ARRDC4: variants seen among roughly 807,000 people sequenced by gnomAD.
The protein encoded by ARRDC4 is arrestin domain containing 4, also known as arrestin domain-containing protein 4.
ARRDC4 carries 40 observed loss-of-function variants against 44.6 expected under a neutral mutation model. The ratio of observed to expected loss-of-function variants is 0.90; its 90% confidence interval spans 0.70 to 1.17. The LOEUF is 1.17. Ranked by LOEUF, ARRDC4 falls within the 50% of genes most tolerant of loss-of-function variation. The pLI, the probability that ARRDC4 is intolerant of heterozygous loss-of-function variation, is 0.00. For missense variants in ARRDC4, 550 were observed against 559.1 expected (o/e 0.98, Z 0.16); for synonymous variants, 211 against 221.2 (o/e 0.95, Z 0.41).
At position 97,970,639 on chromosome 15, in the gene ARRDC4, A is replaced by G; in HGVS notation, c.1096A>G (p.Ile366Val). 1 of 1,613,460 alleles carries G rather than the reference A, an allele frequency of 6.2e-7. No individual in the cohort carries two copies. The highest frequency in any genetic ancestry group is 2.2e-5 in the East Asian group (1 of 44,866). The change falls in exon 7 of 8, where the codon ATT becomes GTT. Residue 366 changes from isoleucine (I) to valine (V), a missense_variant. Physicochemically the swap from Ile to Val is conservative, Grantham distance 29. Transcript: ENST00000268042. The surrounding 1 kb of genome is among the most constrained non-coding windows in gnomAD (Gnocchi z 4.2). ...VVSEEEFSRHIPPYPQPPNCE... is the reference protein window; with the variant it reads ...VVSEEEFSRHVPPYPQPPNCE... The stretch of plus-strand genomic sequence containing the variant: ...ATCAGAGGAAGAATTCTCTAGACAC[A>G]TTCCTCCTTACCCTCAACCCCCTAA...
chr15:97,973,751 A>G lies in ARRDC4; in HGVS notation c.*2564A>G, dbSNP rs896793557. ...TATTTTTATTATTAAAAATGTAACA[A>G]TTTAACCCACAGGAAAAAAAATTAC... On this transcript the variant is annotated 3_prime_UTR_variant, in exon 8 of 8. Transcript: ENST00000268042. 6 of 151,894 alleles carry G rather than the reference A, an allele frequency of 4.0e-5. No homozygotes were observed. The highest frequency in any genetic ancestry group is 2.0e-4 in the East Asian group (1 of 5,056). 9.4% of individuals were successfully genotyped at this position (151,894 alleles called of 1,614,324 possible).
At position 97,968,091 on chromosome 15, in the gene ARRDC4, A is replaced by G; in HGVS notation, c.600A>G (p.Lys200=). The G allele has an allele frequency of 6.2e-7, 1 of 1,603,006 alleles. No homozygotes were observed. The highest frequency in any genetic ancestry group is 8.5e-7 in the Non-Finnish European group (1 of 1,174,768). The change falls in exon 4 of 8, where the codon AAA becomes AAG. Residue 200 remains lysine (K), a synonymous_variant. Coordinates refer to ENST00000268042, the MANE Select transcript of ARRDC4 (RefSeq NM_183376.3). The surrounding 1 kb of genome is among the most constrained non-coding windows in gnomAD (Gnocchi z 5.4). ...CTGGTCCAGTCTCGCTGAGTGCCAA[A>G]ATTGAAAGAAAGGGATACTGTAATG... ...FTSGPVSLSA[K]IERKGYCNGE...
intron 1 of ARRDC4, among the ~76,000 whole-genome samples, chr15:97,962,035 C>G (rs1196752914): frequency 1.3e-5 from 2 of 152,184 alleles, no homozygotes; most frequent in Non-Finnish European, 2.9e-5. Flanking sequence ...AACCATGAGT[C>G]TTACTCATTT....
chr15:97,963,458 G>A (rs1899359912), intron 1 of ARRDC4, among the ~76,000 whole-genome samples: 1 of 152,182 alleles, frequency 6.6e-6, no homozygotes, highest in Admixed American at 6.5e-5. Flanking sequence ...TAGATCCGAT[G>A]TCGATTTGTT....
chr15:97,965,246 T>C lies in ARRDC4; in HGVS notation c.308-354T>C, dbSNP rs77815884. 0.034 allele frequency among the ~76,000 whole-genome samples: 5,246 copies of C among 152,118 alleles called. 151 individuals carry two copies. Among genetic ancestry groups the C allele is most frequent in the African/African-American group, 0.08 (3,298 of 41,452 alleles). ...AGGAGTTCGAGACCAGCTTGGGCAA[T>C]ATAGCAAGACCCTCGTCTCTGGAAA... is the stretch of plus-strand genomic sequence containing the variant. On this transcript the variant is annotated intron_variant, in intron 1 of 7. Transcript: ENST00000268042. The surrounding 1 kb of genome is among the most constrained non-coding windows in gnomAD (Gnocchi z 5.1).
intron 1 of ARRDC4, among the ~76,000 whole-genome samples, chr15:97,961,523 C>T (rs1596304248): frequency 6.6e-6 from 1 of 152,336 alleles, no homozygotes; most frequent in East Asian, 1.9e-4. Context: ...GTGGAACCGG[C>T]GGCTATGAGG....
At position 97,967,183 on chromosome 15, in the gene ARRDC4, T is replaced by G. The variant is rs1461086229; in HGVS notation, c.523-831T>G. Among the ~76,000 whole-genome samples, 1 of 152,190 alleles carries G rather than the reference T, an allele frequency of 6.6e-6. No individual in the cohort carries two copies. Among genetic ancestry groups the G allele is most frequent in the East Asian group, 1.9e-4 (1 of 5,202 alleles). ...TGTATTTTTAAAAACTACTTAGAAT[T>G]GGGAGGCTGAATATTTTTAAAGTTT... is the stretch of plus-strand genomic sequence containing the variant. On this transcript the variant is annotated intron_variant, in intron 3 of 7. Transcript: ENST00000268042. This position sits in a 1 kb window ranked among gnomAD's most constrained non-coding sequence, Gnocchi z 5.0.
chr15:97,971,649 A>T lies in ARRDC4; in HGVS notation c.*462A>T, dbSNP rs1899517378. 1 of 166,018 alleles carries T rather than the reference A, an allele frequency of 6.0e-6. No individual in the cohort carries two copies. Among genetic ancestry groups the T allele is most frequent in the African/African-American group, 2.4e-5 (1 of 41,668 alleles). The allele number at this position is 166,018 out of a possible 1,614,324, so 10.3% of individuals were successfully genotyped here. A position where few individuals can be genotyped will look rare whatever the true frequency, so the allele number is the denominator to read the frequency against. ...GGAGAATGGCCCACTCCAAATACGA[A>T]GTGAGATCCTGAGTCTTTGGGTGCT... On this transcript the variant is annotated 3_prime_UTR_variant, in exon 8 of 8. Transcript: ENST00000268042.
intron 1 of ARRDC4, 141 bp downstream of exon 1, chr15:97,961,309 C>A: frequency 1.3e-6 from 1 of 789,248 alleles, no homozygotes; most frequent in Non-Finnish European, 1.7e-6. Context: ...CCTACCCTCG[C>A]GGGTAAGGAG....
rs16977774 is a variant in ARRDC4 at position 97,973,562 on chromosome 15, C to A, written c.*2375C>A. 14,051 of 152,550 alleles carry A rather than the reference C, an allele frequency of 0.092. 821 individuals carry two copies. The highest frequency in any genetic ancestry group is 0.15 in the African/African-American group (6,418 of 41,498). 9.4% of individuals were successfully genotyped at this position (152,550 alleles called of 1,614,324 possible). ...CTTCTTTAGTTTGAAAAAACAAAAACGTGGCCTTGGAATTTTCATTTTGAT... is the reference window on the plus strand; with the variant it reads ...CTTCTTTAGTTTGAAAAAACAAAAAAGTGGCCTTGGAATTTTCATTTTGAT... On this transcript the variant is annotated 3_prime_UTR_variant, in exon 8 of 8. Transcript: ENST00000268042.
intron 5 of ARRDC4, among the ~76,000 whole-genome samples, 191 bp downstream of exon 5, chr15:97,969,570 A>G (rs1284070610): frequency 2.0e-5 from 3 of 152,208 alleles, no homozygotes; most frequent in African/African-American, 7.2e-5. Context: ...ATAGAATGCC[A>G]TAAAAGAATT....
rs908293787 is a variant in ARRDC4 at position 97,960,828 on chromosome 15, C to G, written c.-34C>G. On this transcript the variant is annotated 5_prime_UTR_variant, in exon 1 of 8. Coordinates refer to ENST00000268042, the MANE Select transcript of ARRDC4 (RefSeq NM_183376.3). The stretch of plus-strand genomic sequence containing the variant: ...CGCGACCCCGGCTCCGGGCCTCTGC[C>G]GACCTCAGGGGCAGGAAAGAGTCGC... 7.0e-6 allele frequency: 9 copies of G among 1,278,268 alleles called. No individual in the cohort carries two copies. Among genetic ancestry groups the G allele is most frequent in the Non-Finnish European group, 8.9e-6 (9 of 1,013,344 alleles). The allele number at this position is 1,278,268 out of a possible 1,614,324, so 79.2% of individuals were successfully genotyped here. A position where few individuals can be genotyped will look rare whatever the true frequency, so the allele number is the denominator to read the frequency against.
chr15:97,971,868 G>A lies in ARRDC4; in HGVS notation c.*681G>A, dbSNP rs1016416800. On this transcript the variant is annotated 3_prime_UTR_variant, in exon 8 of 8. Transcript: ENST00000268042. ...TTCTTGAAAAGCTTGTCGGTTCAAAGAGGAAAGATGAATTTCAATGTGAAA... is the reference window on the plus strand; with the variant it reads ...TTCTTGAAAAGCTTGTCGGTTCAAAAAGGAAAGATGAATTTCAATGTGAAA... The A allele has an allele frequency of 3.3e-5, 5 of 152,230 alleles. No individual in the cohort carries two copies. Among genetic ancestry groups the A allele is most frequent in the Non-Finnish European group, 7.3e-5 (5 of 68,046 alleles). The allele number at this position is 152,230 out of a possible 1,614,324, so 9.4% of individuals were successfully genotyped here.
intron 1 of ARRDC4, among the ~76,000 whole-genome samples, chr15:97,962,870 C>T (rs1253873002): frequency 3.9e-5 from 6 of 152,174 alleles, no homozygotes; most frequent in African/African-American, 1.4e-4. Context: ...GTGTTTCAAT[C>T]ACCTAAGGAG....
intron 1 of ARRDC4, 138 bp downstream of exon 1, chr15:97,961,306 T>A: frequency 1.3e-6 from 1 of 798,668 alleles, no homozygotes; most frequent in Non-Finnish European, 1.7e-6. Context: ...CGGCCTACCC[T>A]CGCGGGTAAG....
At chr15:97,962,546 G>A (rs2141532022) in intron 1 of ARRDC4, among the ~76,000 whole-genome samples, 1 of 152,260 alleles carries the variant, frequency 6.6e-6, no homozygotes, top group Non-Finnish European at 1.5e-5. Flanking sequence ...TTGAACCTGG[G>A]ATTAGCAATA....
chr15:97,969,869 TTTTG>T lies in ARRDC4; in HGVS notation c.883-13_883-10del. The T allele has an allele frequency of 6.5e-7, 1 of 1,535,926 alleles. No homozygotes were observed. The highest frequency in any genetic ancestry group is 1.4e-5 in the African/African-American group (1 of 71,802). Reference sequence around the variant, plus strand: ...TTGTTCCTTTCTCTTTTTTTTTTTTTTTTGGCTTATTAGGTATACATTCACATTC... The same window carrying T: ...TTGTTCCTTTCTCTTTTTTTTTTTTTGCTTATTAGGTATACATTCACATTC... On this transcript the variant is annotated splice_polypyrimidine_tract_variant and intron_variant, in intron 5 of 7. Transcript: ENST00000268042.
chr15:97,964,184 C>T (rs963953821), intron 1 of ARRDC4, among the ~76,000 whole-genome samples: 2 of 152,074 alleles, frequency 1.3e-5, no homozygotes, highest in East Asian at 1.9e-4. Context: ...TCTAAAAGTA[C>T]GAAGTTGAAA....
chr15:97,970,191 T>G lies in ARRDC4; in HGVS notation c.1045+146T>G. The G allele has an allele frequency of 2.0e-6, 2 of 987,314 alleles. No homozygotes were observed. The highest frequency in any genetic ancestry group is 1.6e-5 in the African/African-American group (1 of 61,706). 61.2% of individuals were successfully genotyped at this position (987,314 alleles called of 1,614,324 possible). The stretch of plus-strand genomic sequence containing the variant: ...CCTACTACTAAAAAATCAGAAAGCA[T>G]TAGTCCTGGGAGGGACTTTGAAAGT... On this transcript the variant is annotated intron_variant, in intron 6 of 7. Transcript: ENST00000268042. The surrounding 1 kb of genome is among the most constrained non-coding windows in gnomAD (Gnocchi z 4.2).
Sources: allele counts gnomAD v4.1 joint callset (sites outside exome capture counted in the v4.1 genomes callset), GRCh38; gene constraint gnomAD v4.1.1; non-coding constraint Gnocchi (gnomAD v3.1); transcripts MANE v1.5; gene names NCBI Gene and HGNC (gene_info 2026-07-23, HGNC 2026-07-21).